DNAAF4: variants seen among roughly 807,000 people sequenced by gnomAD.
DNAAF4 encodes the protein dynein assembly factor 4, axonemal.
In DNAAF4, 43 loss-of-function variants were observed where a neutral mutation model predicts 51.8. The ratio of observed to expected loss-of-function variants is 0.83; its 90% CI spans 0.65 to 1.07. The LOEUF (loss-of-function observed/expected upper bound fraction) is 1.07. Among genes scored for constraint, DNAAF4 ranks in the 50% least tolerant of loss-of-function variants. The pLI is 0.00. For missense variants in DNAAF4, 581 were observed against 493.0 expected, an observed-to-expected ratio of 1.18 and a Z score of -1.69; for synonymous variants, 194 against 165.6, an observed-to-expected ratio of 1.17 and a Z score of -1.32.
At chr15:55,491,976 C>G (rs2058581011) in intron 3 of DNAAF4, among the ~76,000 whole-genome samples, 1 of 151,256 alleles carries the variant, frequency 6.6e-6, no homozygotes, top group Non-Finnish European at 1.5e-5. Context: ...CCTACCTCAG[C>G]TTCCTGAGTA....
At chr15:55,478,615 G>A (rs1191332945) in intron 4 of DNAAF4, among the ~76,000 whole-genome samples, 1 of 152,216 alleles carries the variant, frequency 6.6e-6, no homozygotes, top group African/African-American at 2.4e-5. Flanking sequence ...GCCCAATCTT[G>A]GGCCCTTGAG....
At chr15:55,457,406 C>T (rs2058036045) in intron 5 of DNAAF4, among the ~76,000 whole-genome samples, 1 of 152,150 alleles carries the variant, frequency 6.6e-6, no homozygotes, top group Admixed American at 6.6e-5. Flanking sequence ...AAGCCCCACC[C>T]AAGGGGAGCC....
chr15:55,505,195 A>G (rs1307823037), intron 1 of DNAAF4, among the ~76,000 whole-genome samples: 2 of 152,248 alleles, frequency 1.3e-5, no homozygotes, highest in Non-Finnish European at 2.9e-5. Flanking sequence ...CATCAAAGAA[A>G]TGCAAATCAA....
chr15:55,471,850 C>T (rs1399062104), intron 4 of DNAAF4, among the ~76,000 whole-genome samples: 1 of 147,324 alleles, frequency 6.8e-6, no homozygotes, highest in South Asian at 2.2e-4. Flanking sequence ...TATTTACTTA[C>T]TTATTTTGAG....
chr15:55,450,349 A>G lies in DNAAF4; in HGVS notation c.656T>C (p.Ile219Thr), dbSNP rs1287244315. 3.7e-6 allele frequency: 6 copies of G among 1,610,048 alleles called. No individual in the cohort carries two copies. The highest frequency in any genetic ancestry group is 3.4e-6 in the Non-Finnish European group (4 of 1,179,110). ...LAPKGRNSEN[I>T]FTEKLKEDSI... ...GTCTTCCTTTAACTTCTCAGTAAAT[A>G]TATTTTCTGAATTTCTCCCTTCAAA... The change falls in exon 6 of 10, where the codon ATA becomes ACA. Residue 219 changes from isoleucine to threonine, a missense_variant. Physicochemically the swap from Ile to Thr is moderately conservative, Grantham distance 89. Coordinates refer to ENST00000321149, the MANE Select transcript of DNAAF4 (RefSeq NM_130810.4).
At chr15:55,430,136 G>C (rs1216121380), downstream of DNAAF4, among the ~76,000 whole-genome samples, 1 of 152,158 alleles carries the variant, frequency 6.6e-6, no homozygotes, top group African/African-American at 2.4e-5. Flanking sequence ...TTTCTAAACA[G>C]TTGTTTTATA....
intron 8 of DNAAF4, among the ~76,000 whole-genome samples, chr15:55,433,866 TTA>T (rs1189991115): frequency 3.4e-4 from 21 of 61,068 alleles, no homozygotes; most frequent in African/African-American, 8.5e-4. Flanking sequence ...ATAATATATA[TTA>T]TATATATTAC....
intron 4 of DNAAF4, 175 bp downstream of exon 4, chr15:55,490,948 G>A (rs2058562703): frequency 3.2e-6 from 2 of 623,768 alleles, no homozygotes; most frequent in Non-Finnish European, 5.1e-6. Flanking sequence ...AGTGAGACTC[G>A]GTCTCAAGAA....
chr15:55,432,519 A>C lies in DNAAF4; in HGVS notation c.1131T>G (p.Cys377Trp), dbSNP rs778123883. The change falls in exon 9 of 10, where the codon TGT becomes TGG. Residue 377 changes from cysteine to tryptophan, a missense_variant. Cys to Trp is a radical substitution (Grantham distance 215). Transcript: ENST00000321149. ...TACCTTCTACATACAATTCTAGTTGACAGAATGCTGTTCCACGTCGTACAT... is the reference window on the plus strand; with the variant it reads ...TACCTTCTACATACAATTCTAGTTGCCAGAATGCTGTTCCACGTCGTACAT... ...KAHVRRGTAF[C>W]QLELYVEGLQ... is the part of the protein sequence containing the mutation. The C allele has an allele frequency of 2.5e-6, 4 of 1,611,190 alleles. No individual in the cohort carries two copies. Among genetic ancestry groups the C allele is most frequent in the Non-Finnish European group, 3.4e-6 (4 of 1,178,142 alleles).
chr15:55,450,430 A>G (rs1439483081), intron 5 of DNAAF4, 63 bp from the exon 6 acceptor site: 80 of 1,538,232 alleles, frequency 5.2e-5, no homozygotes, highest in Non-Finnish European at 6.9e-5. Flanking sequence ...CAATCAACTG[A>G]TAAAGTAATT....
At chr15:55,491,720 ATAG>A (rs2058575772) in intron 3 of DNAAF4, among the ~76,000 whole-genome samples, 1 of 138,970 alleles carries the variant, frequency 7.2e-6, no homozygotes, top group South Asian at 2.2e-4. Flanking sequence ...TTATTATATA[ATAG>A]TATATAATAT....
At chr15:55,474,429 G>A (rs1006051469) in intron 4 of DNAAF4, among the ~76,000 whole-genome samples, 1 of 151,972 alleles carries the variant, frequency 6.6e-6, no homozygotes, top group Non-Finnish European at 1.5e-5. Context: ...AGCTACTCAG[G>A]AGGCTGAGGC....
chr15:55,427,066 T>TTTTG (rs928172369), downstream of DNAAF4, among the ~76,000 whole-genome samples: 3 of 152,132 alleles, frequency 2.0e-5, no homozygotes, highest in South Asian at 2.1e-4. Flanking sequence ...TTTTGTTTTT[T>TTTTG]TTTGTTTGTT....
At chr15:55,485,822 A>C (rs980229956) in intron 4 of DNAAF4, among the ~76,000 whole-genome samples, 2 of 151,772 alleles carry the variant, frequency 1.3e-5, no homozygotes, top group African/African-American at 4.8e-5. Flanking sequence ...GTGAAACCCC[A>C]TCTCTACCAA....
intron 7 of DNAAF4, among the ~76,000 whole-genome samples, chr15:55,422,351 G>C (rs546542816): frequency 6.3e-4 from 96 of 152,256 alleles, no homozygotes; most frequent in Non-Finnish European, 1.2e-3. Context: ...TATACAACTT[G>C]AATTCAAGGG....
At position 55,422,776 on chromosome 15, in the gene DNAAF4, C is replaced by G. The variant is rs1412076568; in HGVS notation, c.1048-4643G>C. Reference sequence around the variant, plus strand: ...CTTTGGGAGGCTGAGGTGGGCAGATCGCCTGAGGTCAGGCGTTTGAGACCA... The same window carrying G: ...CTTTGGGAGGCTGAGGTGGGCAGATGGCCTGAGGTCAGGCGTTTGAGACCA... On this transcript the variant is annotated intron_variant, in intron 7 of 7. Transcript: ENST00000448430. 2.0e-5 allele frequency among the ~76,000 whole-genome samples: 3 copies of G among 152,228 alleles called. No homozygotes were observed. In the East Asian group the frequency reaches 5.8e-4, roughly 29 times the overall value.
intron 7 of DNAAF4, among the ~76,000 whole-genome samples, chr15:55,421,864 G>A (rs548984279): frequency 1.3e-5 from 2 of 150,020 alleles, no homozygotes; most frequent in South Asian, 4.2e-4. Context: ...ACTCCAGCCT[G>A]GGCAACAAGA....
At chr15:55,469,335 A>G (rs2058215932) in intron 4 of DNAAF4, among the ~76,000 whole-genome samples, 2 of 151,882 alleles carry the variant, frequency 1.3e-5, no homozygotes, top group Non-Finnish European at 2.9e-5. Context: ...CTCTCAAAAA[A>G]AAAAGAAAGA....
At chr15:55,464,190 C>A (rs773082859) in intron 5 of DNAAF4, among the ~76,000 whole-genome samples, 3 of 152,036 alleles carry the variant, frequency 2.0e-5, no homozygotes, top group Non-Finnish European at 4.4e-5. Context: ...GCAAACAAAA[C>A]CATAAAGTGG....
Sources: gnomAD v4.1 joint callset for allele counts (sites outside exome capture counted in the v4.1 genomes callset) on GRCh38, gnomAD v4.1.1 for gene constraint, MANE v1.5 for transcripts, NCBI Gene and HGNC (gene_info 2026-07-23, HGNC 2026-07-21) for gene names.